Variants in ITFG1 observed in about 807,000 individuals in gnomAD.
The protein encoded by ITFG1 is integrin alpha FG-GAP repeat containing 1, also known as T-cell immunomodulatory protein.
A neutral mutation model predicts 81.8 loss-of-function variants in ITFG1; 34 were observed. That is an observed-to-expected ratio of 0.42 (90% CI 0.32 to 0.55). The LOEUF (loss-of-function observed/expected upper bound fraction) is 0.55, where lower values mean the gene tolerates loss of function less well. ITFG1 is among the 20% of genes least tolerant of loss of function. ITFG1 has a pLI of 0.17. For synonymous variants in ITFG1, 285 were observed against 270.6 expected (o/e 1.05, Z -0.52); for missense variants, 672 against 755.4 (o/e 0.89, Z 1.29).
At chr16:47,376,044 TAC>T in intron 6 of ITFG1, 104 bp from the exon 7 acceptor site, 5 of 597,082 alleles carry the variant, frequency 8.4e-6, no homozygotes, top group Non-Finnish European at 1.5e-5. Flanking sequence ...GACACAATTC[TAC>T]TTAAACATAT....
intron 6 of ITFG1, among the ~76,000 whole-genome samples, chr16:47,422,006 A>C (rs1968956681): frequency 6.6e-6 from 1 of 152,138 alleles, no homozygotes; most frequent in Non-Finnish European, 1.5e-5. Context: ...AAGGACATGA[A>C]CTCATCCTTT....
At chr16:47,364,071 C>A (rs1331459497) in intron 8 of ITFG1, among the ~76,000 whole-genome samples, 2 of 152,166 alleles carry the variant, frequency 1.3e-5, no homozygotes, top group African/African-American at 4.8e-5. Context: ...GTACACTTTT[C>A]ACAGGAAAAA....
At chr16:47,358,439 C>T (rs1968068591) in intron 8 of ITFG1, among the ~76,000 whole-genome samples, 1 of 152,082 alleles carries the variant, frequency 6.6e-6, no homozygotes, top group Non-Finnish European at 1.5e-5. Context: ...ATCTACTGGT[C>T]AGAATTCATG....
chr16:47,345,475 T>C (rs1967840825), intron 8 of ITFG1, among the ~76,000 whole-genome samples: 1 of 152,038 alleles, frequency 6.6e-6, no homozygotes, highest in African/African-American at 2.4e-5. Flanking sequence ...TATTTTGTAT[T>C]TTTTGTAGAG....
chr16:47,209,117 C>T (rs1347743419), intron 14 of ITFG1, among the ~76,000 whole-genome samples: 25 of 152,130 alleles, frequency 1.6e-4, no homozygotes, highest in Non-Finnish European at 3.1e-4. Flanking sequence ...TGAAATCTAA[C>T]GAAGTGGTTC....
intron 8 of ITFG1, among the ~76,000 whole-genome samples, chr16:47,340,742 A>C (rs1055316080): frequency 6.6e-6 from 1 of 152,218 alleles, no homozygotes; most frequent in Non-Finnish European, 1.5e-5. Flanking sequence ...TGAATTTTAA[A>C]AAAACATGGT....
At chr16:47,273,544 C>T (rs2151546994) in intron 10 of ITFG1, among the ~76,000 whole-genome samples, 1 of 152,240 alleles carries the variant, frequency 6.6e-6, no homozygotes, top group African/African-American at 2.4e-5. Context: ...CACTTTATCT[C>T]TGGGCAAATG....
At chr16:47,456,865 A>G (rs1175971741) in intron 2 of ITFG1, among the ~76,000 whole-genome samples, 1 of 152,134 alleles carries the variant, frequency 6.6e-6, no homozygotes, top group East Asian at 1.9e-4. Flanking sequence ...AGGCCTGGAG[A>G]ATGAATCCAG....
chr16:47,334,914 GA>G (rs1967682739), intron 8 of ITFG1, among the ~76,000 whole-genome samples: 1 of 152,082 alleles, frequency 6.6e-6, no homozygotes, highest in Admixed American at 6.5e-5. Flanking sequence ...GCTAAAATTA[GA>G]AAGCTTATAG....
chr16:47,353,060 G>T (rs1035557239), intron 8 of ITFG1, among the ~76,000 whole-genome samples: 1 of 151,912 alleles, frequency 6.6e-6, no homozygotes, highest in Non-Finnish European at 1.5e-5. Context: ...GGCCTGTTGT[G>T]GGGTAGGGTG....
At chr16:47,386,377 C>T (rs1180641172) in intron 6 of ITFG1, among the ~76,000 whole-genome samples, 1 of 152,204 alleles carries the variant, frequency 6.6e-6, no homozygotes, top group African/African-American at 2.4e-5. Context: ...GCCAAAAACA[C>T]AGGGCTCCCC....
At chr16:47,279,048 T>C (rs1024422044) in intron 10 of ITFG1, among the ~76,000 whole-genome samples, 2 of 152,182 alleles carry the variant, frequency 1.3e-5, no homozygotes, top group Non-Finnish European at 2.9e-5. Context: ...CCTTTGTGAA[T>C]GAGATTTGCA....
At chr16:47,296,244 T>C (rs1270590378) in intron 10 of ITFG1, among the ~76,000 whole-genome samples, 1 of 151,774 alleles carries the variant, frequency 6.6e-6, no homozygotes, top group Admixed American at 6.6e-5. Flanking sequence ...GCCCTTTTTT[T>C]CTTTTTTTTT....
intron 8 of ITFG1, among the ~76,000 whole-genome samples, chr16:47,337,854 T>C (rs549509444): frequency 1.3e-5 from 2 of 152,328 alleles, no homozygotes; most frequent in East Asian, 1.9e-4. Flanking sequence ...ACATGGGCTG[T>C]TCCCTAGACT....
In ITFG1 at chr16:47,155,684, G is replaced by C. The variant is rs1042141144; in HGVS notation, c.*35C>G. 2 of 1,435,488 alleles carry C rather than the reference G, an allele frequency of 1.4e-6. No individual in the cohort carries two copies. Among genetic ancestry groups the C allele is most frequent in the African/African-American group, 2.9e-5 (2 of 70,056 alleles). The allele number at this position is 1,435,488 out of a possible 1,614,324, so 88.9% of individuals were successfully genotyped here. A position where few individuals can be genotyped will look rare whatever the true frequency, so the allele number is the denominator to read the frequency against. ...GAATTTGTGTTTCAACTAATCAAGT[G>C]AACAGCCATTCCATTATGTAATATT... On this transcript the variant is annotated 3_prime_UTR_variant, in exon 18 of 18. Coordinates refer to ENST00000320640, the MANE Select transcript of ITFG1 (RefSeq NM_030790.5).
chr16:47,164,978 C>G (rs1269787712), intron 14 of ITFG1, among the ~76,000 whole-genome samples: 2 of 152,254 alleles, frequency 1.3e-5, no homozygotes, highest in African/African-American at 4.8e-5. Context: ...AGACAATACT[C>G]AGTCCATTCT....
chr16:47,452,391 G>T (rs1449209821), intron 4 of ITFG1, among the ~76,000 whole-genome samples: 2 of 152,076 alleles, frequency 1.3e-5, no homozygotes, highest in Non-Finnish European at 2.9e-5. Context: ...CCTTAATATA[G>T]GAATCTTTCT....
intron 6 of ITFG1, among the ~76,000 whole-genome samples, chr16:47,388,427 G>A (rs1038637514): frequency 1.3e-5 from 2 of 152,012 alleles, no homozygotes; most frequent in Non-Finnish European, 2.9e-5. Flanking sequence ...GAAAACCAAA[G>A]AAAAAGAAAA....
At chr16:47,222,908 T>C (rs1453497639) in intron 13 of ITFG1, among the ~76,000 whole-genome samples, 1 of 152,228 alleles carries the variant, frequency 6.6e-6, no homozygotes, top group African/African-American at 2.4e-5. Context: ...GTTCTGTAGA[T>C]GTCTATTTAG....
Sources: gnomAD v4.1 joint callset for allele counts (sites outside exome capture counted in the v4.1 genomes callset) on GRCh38, gnomAD v4.1.1 for gene constraint, MANE v1.5 for transcripts, NCBI Gene and HGNC (gene_info 2026-07-23, HGNC 2026-07-21) for gene names.